RFTN1: variants seen among roughly 807,000 people sequenced by gnomAD.
RFTN1 encodes the protein raftlin.
RFTN1 carries 26 observed loss-of-function variants against 46.5 expected under a neutral mutation model. The ratio of observed to expected loss-of-function variants is 0.56; its 90% CI spans 0.41 to 0.78. RFTN1 has a LOEUF of 0.78. Among genes scored for constraint, RFTN1 ranks in the 30% least tolerant of loss-of-function variants. The probability of loss-of-function intolerance (pLI) is 0.00; values close to 1 mark genes in which losing one functional copy is unlikely to be tolerated. For missense variants in RFTN1, 693 were observed against 718.7 expected (o/e 0.96, Z 0.41); for synonymous variants, 261 against 284.2 (o/e 0.92, Z 0.82).
intron 2 of RFTN1, among the ~76,000 whole-genome samples, chr3:16,469,481 G>A (rs532821280): frequency 6.6e-6 from 1 of 152,372 alleles, no homozygotes; most frequent in Admixed American, 6.5e-5. Flanking sequence ...GAGGAATGGA[G>A]AAGACAAGCT....
Position 16,335,045 on chromosome 3 carries a change from C to G in RFTN1, c.1147-8169G>C, listed in dbSNP as rs2070714087. Among the ~76,000 whole-genome samples, 1 of 152,206 alleles carries G rather than the reference C, an allele frequency of 6.6e-6. No homozygotes were observed. The highest frequency in any genetic ancestry group is 2.4e-5 in the African/African-American group (1 of 41,444). ...AAAAGTCTCCACAAAGAATGTGGTCCTGTCAACACCTTGGTTTTAGCCCCT... is the reference window on the plus strand; with the variant it reads ...AAAAGTCTCCACAAAGAATGTGGTCGTGTCAACACCTTGGTTTTAGCCCCT... On this transcript the variant is annotated intron_variant, in intron 7 of 9. Coordinates refer to ENST00000334133, the MANE Select transcript of RFTN1 (RefSeq NM_015150.2). This position sits in a 1 kb window ranked among gnomAD's most constrained non-coding sequence, Gnocchi z 4.7.
chr3:16,324,784 T>C (rs977800080), intron 8 of RFTN1, among the ~76,000 whole-genome samples: 2 of 151,974 alleles, frequency 1.3e-5, no homozygotes, highest in Admixed American at 6.6e-5. Flanking sequence ...GCAAGGATCA[T>C]GGAAATGCAG....
chr3:16,368,153 C>A (rs2073315104), intron 6 of RFTN1, among the ~76,000 whole-genome samples: 1 of 151,796 alleles, frequency 6.6e-6, no homozygotes, highest in Non-Finnish European at 1.5e-5. Context: ...AAGGTTCCTC[C>A]CTGGCCTTCT....
intron 2 of RFTN1, among the ~76,000 whole-genome samples, chr3:16,470,842 AC>A (rs1381203306): frequency 6.6e-6 from 1 of 152,220 alleles, no homozygotes; most frequent in East Asian, 1.9e-4. Flanking sequence ...AAAAAATGTT[AC>A]CCATTTTAAA....
chr3:16,415,632 G>A (rs1268330175), intron 3 of RFTN1, among the ~76,000 whole-genome samples: 1 of 151,756 alleles, frequency 6.6e-6, no homozygotes, highest in East Asian at 1.9e-4. Context: ...CCACCATGAA[G>A]AGGGTGGGGT....
In RFTN1 at chr3:16,387,608, CTCTA is replaced by C. The variant is rs1389173889; in HGVS notation, c.442-9510_442-9507del. On this transcript the variant is annotated intron_variant, in intron 4 of 9. Coordinates refer to ENST00000334133, the MANE Select transcript of RFTN1 (RefSeq NM_015150.2). This position sits in a 1 kb window ranked among gnomAD's most constrained non-coding sequence, Gnocchi z 5.2. ...TCTCTCTCTCTCTCTCTCTCTCTCT[CTCTA>C]CTGGCTCCTTCCACTCAGCATACAA... 3.8e-5 allele frequency among the ~76,000 whole-genome samples: 5 copies of C among 131,020 alleles called. No individual in the cohort carries two copies. The highest frequency in any genetic ancestry group is 1.4e-4 in the African/African-American group (5 of 34,534). The allele number at this position is 131,020 out of a possible 152,430, so 86.0% of individuals were successfully genotyped here.
At chr3:16,461,398 C>T (rs2076006351) in intron 2 of RFTN1, among the ~76,000 whole-genome samples, 1 of 152,146 alleles carries the variant, frequency 6.6e-6, no homozygotes, top group Admixed American at 6.5e-5. Flanking sequence ...TTTTATATTT[C>T]CATTTTTAAT....
In RFTN1 at chr3:16,345,786, C is replaced by CTG. The variant is rs1553726059; in HGVS notation, c.1146+12145_1146+12146insCA. ...CATGAGCCAAAACCTTATAATAAAT[C>CTG]TCTGTGTGTGTGTGTGTGTGTGTGT... is the stretch of plus-strand genomic sequence containing the variant. On this transcript the variant is annotated intron_variant, in intron 7 of 9. Transcript: ENST00000334133. This position sits in a 1 kb window ranked among gnomAD's most constrained non-coding sequence, Gnocchi z 5.2. Among the ~76,000 whole-genome samples, 20 of 81,642 alleles carry CTG rather than the reference C, an allele frequency of 2.4e-4. No homozygotes were observed. Among genetic ancestry groups the CTG allele is most frequent in the Admixed American group, 9.1e-4 (7 of 7,726 alleles). 53.6% of individuals were successfully genotyped at this position (81,642 alleles called of 152,430 possible).
In RFTN1 at chr3:16,479,048, G is replaced by C. The variant is rs1014812842; in HGVS notation, c.145+14677C>G. Among the ~76,000 whole-genome samples the C allele has an allele frequency of 2.6e-5, 4 of 152,194 alleles. No individual in the cohort carries two copies. The East Asian group carries it at 7.7e-4, about 29-fold the overall frequency. ...GGCAGGGGTCACTGGGGGCCATCTTGGCAGATGTCCACCATGCTACTTGAT... is the reference window on the plus strand; with the variant it reads ...GGCAGGGGTCACTGGGGGCCATCTTCGCAGATGTCCACCATGCTACTTGAT... On this transcript the variant is annotated intron_variant, in intron 2 of 9. Transcript: ENST00000334133. The surrounding 1 kb of genome is among the most constrained non-coding windows in gnomAD (Gnocchi z 5.1).
At chr3:16,409,921 A>G (rs1408947743) in intron 3 of RFTN1, among the ~76,000 whole-genome samples, 8 of 151,928 alleles carry the variant, frequency 5.3e-5, no homozygotes, top group Non-Finnish European at 1.2e-4. Context: ...TCCTGATCTC[A>G]GGTGATCCGC....
At chr3:16,401,693 C>T (rs1196760140) in intron 4 of RFTN1, among the ~76,000 whole-genome samples, 1 of 152,230 alleles carries the variant, frequency 6.6e-6, no homozygotes, top group African/African-American at 2.4e-5. Context: ...TCCTTCACCA[C>T]AGATAGCGTG....
chr3:16,436,208 C>T (rs797003776), intron 2 of RFTN1, among the ~76,000 whole-genome samples: 4 of 151,820 alleles, frequency 2.6e-5, no homozygotes, highest in African/African-American at 9.7e-5. Flanking sequence ...ATTATCTTTG[C>T]CTCGTGTCCT....
At chr3:16,411,567 C>A (rs2074981257) in intron 3 of RFTN1, among the ~76,000 whole-genome samples, 2 of 152,190 alleles carry the variant, frequency 1.3e-5, no homozygotes, top group African/African-American at 2.4e-5. Flanking sequence ...TGAACCCTAA[C>A]CTTTTTGCCT....
rs762277372 is a variant in RFTN1 at position 16,451,270 on chromosome 3, G to A, written c.146-17233C>T. ...TCAAGGGAAGACGGAACAGCAGAAC[G>A]TCTCATCAGTGACCTCCTCTTACCC... On this transcript the variant is annotated intron_variant, in intron 2 of 9. Transcript: ENST00000334133. The surrounding 1 kb of genome is among the most constrained non-coding windows in gnomAD (Gnocchi z 4.2). 3.9e-5 allele frequency among the ~76,000 whole-genome samples: 6 copies of A among 152,138 alleles called. No homozygotes were observed. The highest frequency in any genetic ancestry group is 1.5e-5 in the Non-Finnish European group (1 of 68,024).
In RFTN1 at chr3:16,351,881, GAAAA is replaced by G. The variant is rs11366942; in HGVS notation, c.1146+6047_1146+6050del. On this transcript the variant is annotated intron_variant, in intron 7 of 9. Coordinates refer to ENST00000334133, the MANE Select transcript of RFTN1 (RefSeq NM_015150.2). This position sits in a 1 kb window ranked among gnomAD's most constrained non-coding sequence, Gnocchi z 5.4. Reference sequence around the variant, plus strand: ...TTGGGTGAGGGGACTAGAAAGACTAGAAAAAAAAATCATGAAAACATGGATTCTG... The same window carrying G: ...TTGGGTGAGGGGACTAGAAAGACTAGAAAAATCATGAAAACATGGATTCTG... Among the ~76,000 whole-genome samples the G allele has an allele frequency of 6.6e-6, 1 of 151,076 alleles. No homozygotes were observed. Among genetic ancestry groups the G allele is most frequent in the African/African-American group, 2.4e-5 (1 of 41,112 alleles).
intron 1 of RFTN1, among the ~76,000 whole-genome samples, chr3:16,510,306 T>TC (rs1460775153): frequency 6.6e-6 from 1 of 151,986 alleles, no homozygotes; most frequent in African/African-American, 2.4e-5. Flanking sequence ...AGACCAGAAA[T>TC]CCCCCGGGAG....
At position 16,473,795 on chromosome 3, in the gene RFTN1, G is replaced by GT. The variant is rs1183769120; in HGVS notation, c.145+19929dup. Among the ~76,000 whole-genome samples the GT allele has an allele frequency of 6.6e-6, 1 of 151,690 alleles. No homozygotes were observed. Among genetic ancestry groups the GT allele is most frequent in the Non-Finnish European group, 1.5e-5 (1 of 67,820 alleles). On this transcript the variant is annotated intron_variant, in intron 2 of 9. Transcript: ENST00000334133. This position sits in a 1 kb window ranked among gnomAD's most constrained non-coding sequence, Gnocchi z 5.3. ...CTGGCTACTCCCTCAGAGACGGAGA[G>GT]TCCCTCAAAGTCCTCCCACTTCTCC...
chr3:16,381,275 G>T lies in RFTN1; in HGVS notation c.442-3173C>A, dbSNP rs1459794050. Among the ~76,000 whole-genome samples, 1 of 152,116 alleles carries T rather than the reference G, an allele frequency of 6.6e-6. No individual in the cohort carries two copies. The highest frequency in any genetic ancestry group is 2.4e-5 in the African/African-American group (1 of 41,432). On this transcript the variant is annotated intron_variant, in intron 4 of 9. Coordinates refer to ENST00000334133, the MANE Select transcript of RFTN1 (RefSeq NM_015150.2). The surrounding 1 kb of genome is among the most constrained non-coding windows in gnomAD (Gnocchi z 4.2). ...ATAAGTGATTTTTTTCTATTACTGT[G>T]TAATTTTCAAAATTTACTTAAGGGG...
chr3:16,404,379 TAATATATAATATATATAC>T (rs1355213303), intron 4 of RFTN1, among the ~76,000 whole-genome samples: 1 of 27,124 alleles, frequency 3.7e-5, no homozygotes, highest in Non-Finnish European at 5.8e-5. Flanking sequence ...ATAATATATA[TAATATATAATATATATAC>T]AATATATAAT....
Sources: allele counts gnomAD v4.1 joint callset (sites outside exome capture counted in the v4.1 genomes callset), GRCh38; gene constraint gnomAD v4.1.1; non-coding constraint Gnocchi (gnomAD v3.1); transcripts MANE v1.5; gene names NCBI Gene and HGNC (gene_info 2026-07-23, HGNC 2026-07-21).